Variants in HIVEP2 observed in about 807,000 individuals in gnomAD.
The protein encoded by HIVEP2 is transcription factor HIVEP2.
A neutral mutation model predicts 180.7 loss-of-function variants in HIVEP2; 14 were observed. That is an observed-to-expected ratio of 0.08 (90% CI 0.05 to 0.12). The LOEUF (loss-of-function observed/expected upper bound fraction) is 0.12, where lower values mean the gene tolerates loss of function less well. HIVEP2 is among the 10% of genes least tolerant of loss of function. The pLI, the probability that HIVEP2 is intolerant of heterozygous loss-of-function variation, is 1.00. For synonymous variants in HIVEP2, 1,184 were observed against 1,136.4 expected (o/e 1.04, Z -0.84); for missense variants, 2,579 against 3,008.5 (o/e 0.86, Z 3.34).
intron 1 of HIVEP2, among the ~76,000 whole-genome samples, chr6:142,895,366 T>C (rs1379996795): frequency 6.6e-6 from 1 of 152,208 alleles, no homozygotes; most frequent in Non-Finnish European, 1.5e-5. Flanking sequence ...CATCTTTTTT[T>C]CCTTCCTGGT....
rs1244956484 is a variant in HIVEP2 at position 142,774,907 on chromosome 6, A to G, written c.-169T>C. 6.8e-7 allele frequency: 1 copy of G among 1,474,800 alleles called. No individual in the cohort carries two copies. Among genetic ancestry groups the G allele is most frequent in the African/African-American group, 1.4e-5 (1 of 71,080 alleles). 91.4% of individuals were successfully genotyped at this position (1,474,800 alleles called of 1,614,324 possible). A position where few individuals can be genotyped will look rare whatever the true frequency, so the allele number is the denominator to read the frequency against. ...ACCTTCCACACGCACACCACAGTCG[A>G]TGGGCATTAGCTAGTAATGTCCTTG... On this transcript the variant is annotated 5_prime_UTR_variant, in exon 5 of 10. Transcript: ENST00000367603. The surrounding 1 kb of genome is among the most constrained non-coding windows in gnomAD (Gnocchi z 5.1).
intron 1 of HIVEP2, among the ~76,000 whole-genome samples, chr6:142,906,352 T>A (rs954952731): frequency 1.3e-5 from 2 of 151,950 alleles, no homozygotes; most frequent in Non-Finnish European, 1.5e-5. Flanking sequence ...AGAATTAATA[T>A]TTAAAATATA....
intron 2 of HIVEP2, among the ~76,000 whole-genome samples, chr6:142,815,339 T>C (rs1485819605): frequency 6.6e-6 from 1 of 152,076 alleles, no homozygotes; most frequent in African/African-American, 2.4e-5. Flanking sequence ...ATCGGGCAAG[T>C]AGCAGAGAAA....
chr6:142,798,274 A>AAAAAGAAAAGAAAAG (rs547612498), intron 2 of HIVEP2, among the ~76,000 whole-genome samples: 1 of 152,084 alleles, frequency 6.6e-6, no homozygotes, highest in Admixed American at 6.6e-5. Context: ...GTCTCAAAAA[A>AAAAAGAAAAGAAAAG]AAAAGAAAAG....
chr6:142,871,821 T>C (rs1335218751), intron 1 of HIVEP2, among the ~76,000 whole-genome samples: 1 of 152,190 alleles, frequency 6.6e-6, no homozygotes, highest in East Asian at 1.9e-4. Flanking sequence ...AAATGGTTAA[T>C]TGATGGAAAT....
rs1182002821 is a variant in HIVEP2 at position 142,771,251 on chromosome 6, C to T, written c.3488G>A (p.Ser1163Asn). The change falls in exon 5 of 10, where the codon AGT (serine) becomes AAT (asparagine). Residue 1163 changes from serine to asparagine, a missense_variant. Ser to Asn is a conservative substitution (Grantham distance 46). Transcript: ENST00000367603. The surrounding 1 kb of genome is among the most constrained non-coding windows in gnomAD (Gnocchi z 5.4). ...LAQPQIMHMD[S>N]QESLRNPLIQ... The stretch of plus-strand genomic sequence containing the variant: ...CAAGGGATTTCTCAAAGATTCCTGA[C>T]TGTCCATGTGCATGATCTGTGGCTG... 8 of 1,614,106 alleles carry T rather than the reference C, an allele frequency of 5.0e-6. No individual in the cohort carries two copies. The highest frequency in any genetic ancestry group is 6.8e-6 in the Non-Finnish European group (8 of 1,180,032).
In HIVEP2 at chr6:142,770,251, A is replaced by C. The variant is rs1369330081; in HGVS notation, c.4488T>G (p.Val1496=). 2 of 1,614,244 alleles carry C rather than the reference A, an allele frequency of 1.2e-6. No individual in the cohort carries two copies. Among genetic ancestry groups the C allele is most frequent in the South Asian group, 2.2e-5 (2 of 91,090 alleles). The change falls in exon 5 of 10, where the codon GTT becomes GTG. Residue 1496 remains valine (V), a synonymous_variant. Coordinates refer to ENST00000367603, the MANE Select transcript of HIVEP2 (RefSeq NM_006734.4). The surrounding 1 kb of genome is among the most constrained non-coding windows in gnomAD (Gnocchi z 4.7). ...TTGGCTCAGAAGCACATCCTTGTCG[A>C]ACCAGCTGGGGTTTCTGGGGGCGGG... ...DLSRPQKPQL[V]RQGCASEPKD...
intron 2 of HIVEP2, among the ~76,000 whole-genome samples, chr6:142,818,731 A>AG (rs57936876): frequency 1.9e-5 from 2 of 104,068 alleles, no homozygotes; most frequent in Non-Finnish European, 4.0e-5. Flanking sequence ...AAAGAAAGAA[A>AG]GAAAAGAAAG....
intron 1 of HIVEP2, among the ~76,000 whole-genome samples, chr6:142,887,094 C>T (rs527632846): frequency 6.6e-6 from 1 of 152,214 alleles, no homozygotes; most frequent in East Asian, 1.9e-4. Context: ...ACACGTGTAC[C>T]TCCATCATCC....
chr6:142,917,658 A>G (rs1007285822), intron 1 of HIVEP2, among the ~76,000 whole-genome samples: 10 of 152,248 alleles, frequency 6.6e-5, no homozygotes, highest in Non-Finnish European at 5.9e-5. Flanking sequence ...TCCAAAGTAA[A>G]GACAGCAAAG....
At chr6:142,844,524 T>C (rs1348701716) in intron 1 of HIVEP2, among the ~76,000 whole-genome samples, 1 of 152,222 alleles carries the variant, frequency 6.6e-6, no homozygotes, top group Non-Finnish European at 1.5e-5. Flanking sequence ...CACATTAATG[T>C]TAAATGCCAT....
In HIVEP2 at chr6:142,943,093, A is replaced by G. The variant is rs1259132940; in HGVS notation, c.-641+2006T>C. 6.6e-6 allele frequency among the ~76,000 whole-genome samples: 1 copy of G among 152,182 alleles called. No homozygotes were observed. The highest frequency in any genetic ancestry group is 6.5e-5 in the Admixed American group (1 of 15,284). The stretch of plus-strand genomic sequence containing the variant: ...AAATGTACAGTTGTCATTTGGTACT[A>G]TGACTCCTTAGGGTTCCACAGGGAA... On this transcript the variant is annotated intron_variant, in intron 1 of 9. Coordinates refer to ENST00000367603, the MANE Select transcript of HIVEP2 (RefSeq NM_006734.4). This position sits in a 1 kb window ranked among gnomAD's most constrained non-coding sequence, Gnocchi z 4.5.
At chr6:142,937,229 A>T (rs1321256475) in intron 1 of HIVEP2, among the ~76,000 whole-genome samples, 1 of 152,234 alleles carries the variant, frequency 6.6e-6, no homozygotes, top group Non-Finnish European at 1.5e-5. Context: ...AAACCATGTC[A>T]TTCTAACATT....
intron 2 of HIVEP2, among the ~76,000 whole-genome samples, chr6:142,805,055 C>T (rs1776512931): frequency 3.3e-5 from 5 of 152,168 alleles, no homozygotes; most frequent in Admixed American, 3.3e-4. Flanking sequence ...TGCCACCCTA[C>T]ATAACGCCAG....
chr6:142,860,733 G>C (rs901630882), intron 1 of HIVEP2, among the ~76,000 whole-genome samples: 1 of 152,110 alleles, frequency 6.6e-6, no homozygotes, highest in Admixed American at 6.5e-5. Context: ...GGTAATGCTC[G>C]CTCACCTCCA....
Position 142,772,445 on chromosome 6 carries a change from A to G in HIVEP2, c.2294T>C (p.Leu765Pro). The G allele has an allele frequency of 6.2e-7, 1 of 1,614,200 alleles. No homozygotes were observed. Among genetic ancestry groups the G allele is most frequent in the Non-Finnish European group, 8.5e-7 (1 of 1,180,028 alleles). The change falls in exon 5 of 10, where the codon CTG becomes CCG. Residue 765 changes from leucine (L) to proline (P), a missense_variant. By Grantham distance (98) the Leu-to-Pro change is moderately conservative. This residue lies in a region of HIVEP2 where 524 missense variants were observed against 563.6 expected (regional missense o/e 0.93). Coordinates refer to ENST00000367603, the MANE Select transcript of HIVEP2 (RefSeq NM_006734.4). The surrounding 1 kb of genome is among the most constrained non-coding windows in gnomAD (Gnocchi z 4.9). ...CACAAGAGATGGACTTCCAGGCTGCAGTTGGGGCCGACATGGGTCAAAGCG... is the reference window on the plus strand; with the variant it reads ...CACAAGAGATGGACTTCCAGGCTGCGGTTGGGGCCGACATGGGTCAAAGCG... Reference protein sequence around the residue: ...TERFDPCRPQLQPGSPSLVSE... With the variant: ...TERFDPCRPQPQPGSPSLVSE...
chr6:142,867,404 A>G (rs941581915), intron 1 of HIVEP2, among the ~76,000 whole-genome samples: 2 of 152,140 alleles, frequency 1.3e-5, no homozygotes, highest in African/African-American at 2.4e-5. Flanking sequence ...AATCTACTAT[A>G]CATTTGGTCA....
intron 1 of HIVEP2, among the ~76,000 whole-genome samples, chr6:142,853,279 G>A (rs1329008799): frequency 2.0e-5 from 3 of 152,134 alleles, no homozygotes; most frequent in Non-Finnish European, 4.4e-5. Flanking sequence ...GGCTTAGTGT[G>A]AGAAGTTACA....
At chr6:142,795,092 A>C (rs2114737905) in intron 2 of HIVEP2, among the ~76,000 whole-genome samples, 1 of 152,338 alleles carries the variant, frequency 6.6e-6, no homozygotes, top group South Asian at 2.1e-4. Context: ...TAATATAAAC[A>C]TATTGGCTTA....
Sources: gnomAD v4.1 joint callset for allele counts (sites outside exome capture counted in the v4.1 genomes callset) on GRCh38, gnomAD v4.1.1 for gene constraint, gnomAD v4.1.1 regional missense constraint, Gnocchi (gnomAD v3.1) non-coding constraint, MANE v1.5 for transcripts, NCBI Gene and HGNC (gene_info 2026-07-23, HGNC 2026-07-21) for gene names.